SNX18: variants seen among roughly 807,000 people sequenced by gnomAD.
The protein encoded by SNX18 is sorting nexin 18.
In SNX18, 35 loss-of-function variants were observed where a neutral mutation model predicts 48.7. The observed-to-expected ratio is 0.72, with a 90% CI of 0.55 to 0.95. SNX18 has a LOEUF of 0.95. Ranked by LOEUF, SNX18 falls within the 40% of genes least tolerant of loss-of-function variation. The pLI is 0.00. For missense variants in SNX18, 824 were observed against 871.0 expected (o/e 0.95, Z 0.68); for synonymous variants, 492 against 384.7 (o/e 1.28, Z -3.26).
chr5:54,628,273 G>C, the SNX18 span, among the ~76,000 whole-genome samples: 1,898 of 152,280 alleles, frequency 0.012, 42 homozygotes, highest in African/African-American at 0.044. Context: ...TGAATCAAAA[G>C]GTGAGGTCTG....
chr5:54,527,455 G>A (rs2565004), intron 1 of SNX18, among the ~76,000 whole-genome samples: 44,925 of 151,858 alleles, frequency 0.3, 6,821 homozygotes, highest in East Asian at 0.43. Context: ...CAAGAGAAAG[G>A]GGAGTCATCA....
At chr5:54,645,188 TA>T in the SNX18 span, 1 of 152,184 alleles carries the variant, frequency 6.6e-6, no homozygotes, top group African/African-American at 2.4e-5. Context: ...AACCATAGGA[TA>T]AAACAACTAA....
the SNX18 span, among the ~76,000 whole-genome samples, chr5:54,582,918 C>T: frequency 6.6e-6 from 1 of 152,254 alleles, no homozygotes; most frequent in Admixed American, 6.5e-5. Flanking sequence ...CAAATCCCAC[C>T]CATTCTTGGG....
chr5:54,615,658 G>A, the SNX18 span, among the ~76,000 whole-genome samples: 1 of 152,214 alleles, frequency 6.6e-6, no homozygotes, highest in South Asian at 2.1e-4. Flanking sequence ...ATGCCACCTA[G>A]TTTGGGCTTT....
the SNX18 span, among the ~76,000 whole-genome samples, chr5:54,640,626 C>A: frequency 4.6e-5 from 7 of 152,164 alleles, no homozygotes; most frequent in African/African-American, 1.7e-4. Flanking sequence ...ATCGTGCACC[C>A]TTTACAACCT....
chr5:54,585,297 GAA>G, the SNX18 span, among the ~76,000 whole-genome samples: 121 of 96,262 alleles, frequency 1.3e-3, no homozygotes, highest in African/African-American at 3.9e-3. Flanking sequence ...GTCCCAAAAA[GAA>G]AAAAAAAAAA....
At chr5:54,566,760 C>T in the SNX18 span, among the ~76,000 whole-genome samples, 1 of 152,186 alleles carries the variant, frequency 6.6e-6, no homozygotes, top group Non-Finnish European at 1.5e-5. Context: ...TGTAGGGATG[C>T]CTGAAAACAG....
the SNX18 span, among the ~76,000 whole-genome samples, chr5:54,599,665 A>G: frequency 6.6e-6 from 1 of 152,132 alleles, no homozygotes; most frequent in Non-Finnish European, 1.5e-5. Context: ...AGAATAGAGA[A>G]CTCAGAAATA....
chr5:54,645,203 G>T, the SNX18 span: 1 of 152,166 alleles, frequency 6.6e-6, no homozygotes, highest in African/African-American at 2.4e-5. Context: ...CAACTAAAAT[G>T]CCCTGAGTTA....
the SNX18 span, among the ~76,000 whole-genome samples, chr5:54,580,629 G>A: frequency 0.49 from 74,073 of 152,018 alleles, 19,346 homozygotes; most frequent in Non-Finnish European, 0.59. Flanking sequence ...TGTAAAACTA[G>A]ATTTGTCTGC....
chr5:54,535,215 T>G (rs979037776), intron 1 of SNX18, among the ~76,000 whole-genome samples: 5 of 152,186 alleles, frequency 3.3e-5, no homozygotes, highest in African/African-American at 4.8e-5. Flanking sequence ...GAGCATCCTT[T>G]AGAACTGCGA....
At chr5:54,527,362 G>GA (rs1175380756) in intron 1 of SNX18, among the ~76,000 whole-genome samples, 3 of 151,862 alleles carry the variant, frequency 2.0e-5, no homozygotes, top group Non-Finnish European at 2.9e-5. Context: ...GGGAGCCGGG[G>GA]GGGGGGGTCC....
At chr5:54,591,859 A>G in the SNX18 span, among the ~76,000 whole-genome samples, 1 of 152,232 alleles carries the variant, frequency 6.6e-6, no homozygotes, top group Non-Finnish European at 1.5e-5. Context: ...CTGACCCCCA[A>G]TGAGCTTTGC....
the SNX18 span, among the ~76,000 whole-genome samples, chr5:54,597,180 C>T: frequency 1.5e-4 from 22 of 151,428 alleles, no homozygotes; most frequent in South Asian, 6.2e-4. Flanking sequence ...ATTGGTAAAG[C>T]GGAGCTAACT....
At chr5:54,614,736 T>G in the SNX18 span, among the ~76,000 whole-genome samples, 3 of 152,158 alleles carry the variant, frequency 2.0e-5, no homozygotes, top group Non-Finnish European at 4.4e-5. Flanking sequence ...GAGGATCACT[T>G]GAGCTCAGGA....
the SNX18 span, among the ~76,000 whole-genome samples, chr5:54,628,543 T>G: frequency 6.6e-6 from 1 of 152,076 alleles, no homozygotes; most frequent in Non-Finnish European, 1.5e-5. Context: ...CCTCACCACC[T>G]CAGTCCATTG....
Position 54,532,319 on chromosome 5 carries a change from C to CTT in SNX18, c.1622-10848_1622-10847dup, listed in dbSNP as rs57856245. On this transcript the variant is annotated intron_variant, in intron 1 of 1. Coordinates refer to ENST00000381410, the MANE Select transcript of SNX18 (RefSeq NM_001102575.2). ...ATATCTATTGTTGCTTTTTTTTTTT[C>CTT]TTTTTTTTTTTTTGTAGAGACCAGT... 1.1e-3 allele frequency among the ~76,000 whole-genome samples: 150 copies of CTT among 130,966 alleles called. 2 individuals carry two copies. The highest frequency in any genetic ancestry group is 1.7e-3 in the South Asian group (7 of 4,156). 85.9% of individuals were successfully genotyped at this position (130,966 alleles called of 152,430 possible). A position where few individuals can be genotyped will look rare whatever the true frequency, so the allele number is the denominator to read the frequency against.
the SNX18 span, chr5:54,645,707 CA>C: frequency 2.0e-5 from 3 of 152,216 alleles, no homozygotes; most frequent in Non-Finnish European, 2.9e-5. Context: ...TTTACATATA[CA>C]GGAAATTTGG....
At chr5:54,542,104 G>A (rs568751286) in intron 1 of SNX18, among the ~76,000 whole-genome samples, 1 of 152,260 alleles carries the variant, frequency 6.6e-6, no homozygotes, top group Non-Finnish European at 1.5e-5. Context: ...AGGCACAGTC[G>A]GGAAATCTGA....
Sources: allele counts gnomAD v4.1 joint callset (sites outside exome capture counted in the v4.1 genomes callset), GRCh38; gene constraint gnomAD v4.1.1; transcripts MANE v1.5; gene names NCBI Gene and HGNC (gene_info 2026-07-23, HGNC 2026-07-21).